Variants in NLK observed in about 807,000 individuals in gnomAD.
NLK encodes the protein serine/threonine-protein kinase NLK.
A neutral mutation model predicts 59.0 loss-of-function variants in NLK; 11 were observed. That is an observed-to-expected ratio of 0.19 (90% CI 0.12 to 0.31). The LOEUF is 0.31. Ranked by LOEUF, NLK falls within the 10% of genes least tolerant of loss-of-function variation. NLK has a pLI of 1.00. For missense variants in NLK, 410 were observed against 661.1 expected (o/e 0.62, Z 4.16); for synonymous variants, 235 against 235.9 (o/e 1.00, Z 0.03).
chr17:28,145,472 T>C (rs1166571287), intron 3 of NLK, among the ~76,000 whole-genome samples: 1 of 152,192 alleles, frequency 6.6e-6, no homozygotes, highest in Non-Finnish European at 1.5e-5. Context: ...AGTTCCCATC[T>C]GTCAAAAATA....
downstream of NLK, among the ~76,000 whole-genome samples, chr17:28,201,334 C>T (rs1909623059): frequency 1.3e-5 from 2 of 151,406 alleles, no homozygotes; most frequent in Non-Finnish European, 2.9e-5. Flanking sequence ...ACTCCAGCCT[C>T]AGCCTCCCAG....
chr17:28,141,902 G>A (rs1907009641), intron 3 of NLK, among the ~76,000 whole-genome samples: 1 of 152,042 alleles, frequency 6.6e-6, no homozygotes. Context: ...AGTCACTTTG[G>A]CTTCTGTTCC....
At chr17:28,109,840 C>G (rs1265345671) in intron 1 of NLK, among the ~76,000 whole-genome samples, 4 of 152,096 alleles carry the variant, frequency 2.6e-5, no homozygotes, top group East Asian at 1.9e-4. Flanking sequence ...TGTGTAGACA[C>G]CTAAAAGTGG....
At chr17:28,203,612 A>G in the NLK span, among the ~76,000 whole-genome samples, 1 of 151,850 alleles carries the variant, frequency 6.6e-6, no homozygotes, top group Non-Finnish European at 1.5e-5. Flanking sequence ...TCTCGGCTCA[A>G]TGCAACCTCC....
downstream of NLK, among the ~76,000 whole-genome samples, chr17:28,197,701 C>T (rs145134491): frequency 2.5e-4 from 38 of 151,838 alleles, no homozygotes; most frequent in Non-Finnish European, 4.6e-4. Context: ...TTATCTCTTA[C>T]GATGACTCAT....
intron 1 of NLK, among the ~76,000 whole-genome samples, chr17:28,052,359 T>C (rs562193856): frequency 5.3e-5 from 8 of 152,348 alleles, no homozygotes; most frequent in South Asian, 4.1e-4. Context: ...TGCAAGTTTC[T>C]TTAAAACAAA....
At chr17:28,129,039 A>G (rs907566769) in intron 2 of NLK, among the ~76,000 whole-genome samples, 3 of 152,248 alleles carry the variant, frequency 2.0e-5, no homozygotes, top group African/African-American at 7.2e-5. Context: ...ACAGTAAATG[A>G]AAGAATCTAT....
At chr17:28,089,836 C>A (rs1191273857) in intron 1 of NLK, among the ~76,000 whole-genome samples, 2 of 152,068 alleles carry the variant, frequency 1.3e-5, no homozygotes, top group African/African-American at 4.8e-5. Flanking sequence ...CTTATGTCTT[C>A]TTTGCTGAAT....
downstream of NLK, among the ~76,000 whole-genome samples, chr17:28,198,126 A>G (rs1053816901): frequency 6.6e-6 from 1 of 152,194 alleles, no homozygotes; most frequent in African/African-American, 2.4e-5. Context: ...CAGGAGGTAC[A>G]TGGCACATAT....
intron 3 of NLK, among the ~76,000 whole-genome samples, chr17:28,154,258 G>T (rs923620723): frequency 6.6e-6 from 1 of 152,238 alleles, no homozygotes; most frequent in East Asian, 1.9e-4. Flanking sequence ...CCTAAACATC[G>T]GATTGGTTGC....
In NLK at chr17:28,073,231, C is replaced by T. The variant is rs73271106; in HGVS notation, c.458+29900C>T. On this transcript the variant is annotated intron_variant, in intron 1 of 10. Coordinates refer to ENST00000407008, the MANE Select transcript of NLK (RefSeq NM_016231.5). ...ATAAAGACCCTTATTCTCATTATCG[C>T]CCTCTGCAGAATGAGCTTTTACCTA... is the stretch of plus-strand genomic sequence containing the variant. Among the ~76,000 whole-genome samples the T allele has an allele frequency of 4.6e-3, 696 of 152,236 alleles. 3 individuals carry two copies. The highest frequency in any genetic ancestry group is 0.016 in the African/African-American group (674 of 41,504).
chr17:28,111,201 G>A (rs56692730), intron 1 of NLK, among the ~76,000 whole-genome samples: 27,462 of 148,694 alleles, frequency 0.18, 2,622 homozygotes, highest in East Asian at 0.34. Context: ...TTGTTTGTTC[G>A]TTTGAGACAG....
chr17:28,183,774 T>G lies in NLK; in HGVS notation c.1150-1405T>G, dbSNP rs555174804. Among the ~76,000 whole-genome samples the G allele has an allele frequency of 9.3e-4, 141 of 151,452 alleles. No individual in the cohort carries two copies. In the Middle Eastern group the frequency reaches 0.017, roughly 18 times the overall value. ...ACCCCACTAAGAGATTAGTTTTTTG[T>G]TTTTTTTTAAGTGGTATGAAAGTCA... On this transcript the variant is annotated intron_variant, in intron 7 of 10. Coordinates refer to ENST00000407008, the MANE Select transcript of NLK (RefSeq NM_016231.5).
intron 1 of NLK, among the ~76,000 whole-genome samples, chr17:28,104,774 G>A (rs1179137248): frequency 1.3e-5 from 2 of 152,158 alleles, no homozygotes; most frequent in Non-Finnish European, 1.5e-5. Flanking sequence ...TAATAGTATT[G>A]AAGTGTTCTT....
At chr17:28,166,874 A>G (rs1908259173) in intron 5 of NLK, among the ~76,000 whole-genome samples, 2 of 152,250 alleles carry the variant, frequency 1.3e-5, no homozygotes, top group African/African-American at 2.4e-5. Flanking sequence ...TCTAACATAC[A>G]GTCTGTAATA....
chr17:28,062,841 A>G (rs1186913461), intron 1 of NLK, among the ~76,000 whole-genome samples: 1 of 152,210 alleles, frequency 6.6e-6, no homozygotes, highest in Non-Finnish European at 1.5e-5. Flanking sequence ...TCAGCCTCCC[A>G]AAGTGTTGCG....
chr17:28,202,118 C>T, the NLK span, among the ~76,000 whole-genome samples: 3 of 152,108 alleles, frequency 2.0e-5, no homozygotes, highest in South Asian at 2.1e-4. Flanking sequence ...CTCTTAGGCC[C>T]GACTGGGCCA....
intron 3 of NLK, among the ~76,000 whole-genome samples, chr17:28,139,511 C>G (rs1186877471): frequency 6.6e-6 from 1 of 152,140 alleles, no homozygotes; most frequent in Non-Finnish European, 1.5e-5. Context: ...ACTTAACCAC[C>G]ATTTTTGTCA....
chr17:28,057,405 A>G (rs1909479187), intron 1 of NLK, among the ~76,000 whole-genome samples: 1 of 152,212 alleles, frequency 6.6e-6, no homozygotes, highest in Non-Finnish European at 1.5e-5. Context: ...CTAGAGAAGG[A>G]ACTCGAAGTT....
Sources: gnomAD v4.1 joint callset for allele counts (sites outside exome capture counted in the v4.1 genomes callset) on GRCh38, gnomAD v4.1.1 for gene constraint, MANE v1.5 for transcripts, NCBI Gene and HGNC (gene_info 2026-07-23, HGNC 2026-07-21) for gene names.